The following SPTSSA variants were observed in gnomAD, a reference collection of about 807,000 sequenced individuals.
SPTSSA encodes small subunit of serine palmitoyltransferase A.
SPTSSA carries 8 observed loss-of-function variants against 9.1 expected under a neutral mutation model. The observed-to-expected ratio is 0.88, with a 90% CI of 0.51 to 1.58. The LOEUF (loss-of-function observed/expected upper bound fraction) is 1.58, where lower values mean the gene tolerates loss of function less well. Among genes scored for constraint, SPTSSA ranks in the 40% most tolerant of loss-of-function variants. SPTSSA has a pLI of 0.00. For missense variants in SPTSSA, 100 were observed against 93.8 expected, an observed-to-expected ratio of 1.07 and a Z score of -0.27; for synonymous variants, 42 against 37.7, an observed-to-expected ratio of 1.11 and a Z score of -0.41.
At chr14:34,450,781 G>C (rs143662231) in intron 1 of SPTSSA, among the ~76,000 whole-genome samples, 1 of 152,120 alleles carries the variant, frequency 6.6e-6, no homozygotes, top group East Asian at 1.9e-4. Context: ...TCCCAGAATT[G>C]AGCAAATAAT....
At position 34,441,362 on chromosome 14, in the gene SPTSSA, A is replaced by C. The variant is rs936005312; in HGVS notation, c.113-6058T>G. 3.3e-5 allele frequency among the ~76,000 whole-genome samples: 5 copies of C among 152,216 alleles called. 1 individual carries two copies. Among genetic ancestry groups the C allele is most frequent in the African/African-American group, 1.2e-4 (5 of 41,446 alleles). On this transcript the variant is annotated intron_variant, in intron 1 of 1. Transcript: ENST00000298130. ...TACATACGGCATACCCCAAGGAACC[A>C]ATGGAATCCTCTAGAGGGTATTTAA...
chr14:34,448,528 G>A (rs1336451418), intron 1 of SPTSSA, among the ~76,000 whole-genome samples: 2 of 152,050 alleles, frequency 1.3e-5, no homozygotes, highest in African/African-American at 2.4e-5. Flanking sequence ...CCAAGTAAAT[G>A]ACTTTGTAAC....
At position 34,440,484 on chromosome 14, in the gene SPTSSA, T is replaced by A. The variant is rs112734656; in HGVS notation, c.113-5180A>T. On this transcript the variant is annotated intron_variant, in intron 1 of 1. Coordinates refer to ENST00000298130, the MANE Select transcript of SPTSSA (RefSeq NM_138288.4). ...TAAATCAGCTATCTGAATATGTATG[T>A]TACATAGTCTTTATGATGCTAATTC... Among the ~76,000 whole-genome samples, 551 of 152,354 alleles carry A rather than the reference T, an allele frequency of 3.6e-3. 7 individuals carry two copies. The highest frequency in any genetic ancestry group is 0.013 in the African/African-American group (531 of 41,578).
In SPTSSA at chr14:34,435,209, C is replaced by T. The variant is rs757019169; in HGVS notation, c.208G>A (p.Val70Ile). ...TCCTGGTCGCATCTTGGTCATTGTA[C>T]GATTTCAAAGTAGTGCAATATCGCC... ...IMAILHYFEIVQ is the reference protein window; with the variant it reads ...IMAILHYFEIIQ The change falls in exon 2 of 2, where the codon GTA (valine) becomes ATA (isoleucine). Residue 70 changes from valine to isoleucine, a missense_variant. Coordinates refer to ENST00000298130, the MANE Select transcript of SPTSSA (RefSeq NM_138288.4). 4.2e-5 allele frequency: 67 copies of T among 1,612,632 alleles called. No homozygotes were observed. The Middle Eastern group carries it at 6.6e-4, about 16-fold the overall frequency.
intron 1 of SPTSSA, among the ~76,000 whole-genome samples, chr14:34,450,901 T>C (rs918696721): frequency 1.3e-5 from 2 of 152,172 alleles, no homozygotes; most frequent in African/African-American, 4.8e-5. Context: ...ATGGGTTCCA[T>C]GGACATAAAA....
chr14:34,441,286 T>C (rs1404248813), intron 1 of SPTSSA, among the ~76,000 whole-genome samples: 1 of 152,148 alleles, frequency 6.6e-6, no homozygotes, highest in African/African-American at 2.4e-5. Flanking sequence ...AGCCTCCCCA[T>C]AGGGTGCAGG....
chr14:34,450,604 G>A (rs1026595440), intron 1 of SPTSSA, among the ~76,000 whole-genome samples: 1 of 127,708 alleles, frequency 7.8e-6, no homozygotes, highest in South Asian at 2.3e-4. Flanking sequence ...AAGCAATAGA[G>A]AACAAGAATA....
intron 1 of SPTSSA, among the ~76,000 whole-genome samples, chr14:34,458,356 G>C (rs7152899): frequency 0.021 from 3,171 of 151,940 alleles, 51 homozygotes; most frequent in Middle Eastern, 0.051. Context: ...GCTAATATTT[G>C]CATTTTTAGT....
At chr14:34,456,092 G>A (rs1005182543) in intron 1 of SPTSSA, among the ~76,000 whole-genome samples, 2 of 152,074 alleles carry the variant, frequency 1.3e-5, no homozygotes, top group African/African-American at 4.8e-5. Flanking sequence ...GGGAGGCGGA[G>A]GCAGGCGGAT....
intron 1 of SPTSSA, 66 bp downstream of exon 1, chr14:34,462,030 G>A (rs1303316255): frequency 5.2e-6 from 6 of 1,153,774 alleles, no homozygotes; most frequent in South Asian, 3.0e-5. Flanking sequence ...CCGGGGCCTG[G>A]GGAAATGCGG....
chr14:34,443,186 T>G, intron 1 of SPTSSA, among the ~76,000 whole-genome samples: 1 of 56,086 alleles, frequency 1.8e-5, no homozygotes. Flanking sequence ...GAGATTGAGT[T>G]TTCCTCTAGG....
chr14:34,435,117 G>A lies in SPTSSA; in HGVS notation c.*84C>T, dbSNP rs1883217640. Reference sequence around the variant, plus strand: ...GTTGGTTATGTTGACATCTAGAAGAGTTTCTTATCACATCTGATGGTCTCA... The same window carrying A: ...GTTGGTTATGTTGACATCTAGAAGAATTTCTTATCACATCTGATGGTCTCA... On this transcript the variant is annotated 3_prime_UTR_variant, in exon 2 of 2. Transcript: ENST00000298130. 2.9e-6 allele frequency: 3 copies of A among 1,044,606 alleles called. No homozygotes were observed. The highest frequency in any genetic ancestry group is 2.8e-6 in the Non-Finnish European group (2 of 702,604). The allele number at this position is 1,044,606 out of a possible 1,614,324, so 64.7% of individuals were successfully genotyped here.
chr14:34,447,819 A>G (rs184504466), intron 1 of SPTSSA, among the ~76,000 whole-genome samples: 1 of 152,352 alleles, frequency 6.6e-6, no homozygotes, highest in African/African-American at 2.4e-5. Flanking sequence ...TTCTGACAGC[A>G]TAGGTATCCA....
chr14:34,456,948 AATTATT>A (rs201859323), intron 1 of SPTSSA, among the ~76,000 whole-genome samples: 23 of 146,190 alleles, frequency 1.6e-4, no homozygotes, highest in South Asian at 4.3e-4. Context: ...TTCTGATTCA[AATTATT>A]ATTATTATTA....
At chr14:34,458,007 A>C (rs1433531303) in intron 1 of SPTSSA, among the ~76,000 whole-genome samples, 2 of 151,606 alleles carry the variant, frequency 1.3e-5, no homozygotes, top group Non-Finnish European at 2.9e-5. Context: ...AAAGAAAAGA[A>C]AAGACAGATG....
chr14:34,436,459 C>T (rs1158412386), intron 1 of SPTSSA, among the ~76,000 whole-genome samples: 1 of 152,140 alleles, frequency 6.6e-6, no homozygotes, highest in East Asian at 1.9e-4. Context: ...CATTCATATT[C>T]TCATTCTTCT....
chr14:34,441,151 C>T (rs1009837532), intron 1 of SPTSSA, among the ~76,000 whole-genome samples: 3 of 152,074 alleles, frequency 2.0e-5, no homozygotes, highest in Non-Finnish European at 2.9e-5. Context: ...AGGCAGTTGA[C>T]GCCTGTAATC....
chr14:34,451,505 C>T (rs7153288), intron 1 of SPTSSA, among the ~76,000 whole-genome samples: 3,194 of 152,140 alleles, frequency 0.021, 51 homozygotes, highest in Middle Eastern at 0.034. Context: ...GGGCAGATCA[C>T]GAGGTCAGGA....
intron 1 of SPTSSA, among the ~76,000 whole-genome samples, chr14:34,453,878 T>A (rs1404590969): frequency 6.9e-6 from 1 of 144,134 alleles, no homozygotes; most frequent in African/African-American, 2.7e-5. Context: ...TTGGGGTTTG[T>A]TCTTTTAAAA....
Sources: gnomAD v4.1 joint callset for allele counts (sites outside exome capture counted in the v4.1 genomes callset) on GRCh38, gnomAD v4.1.1 for gene constraint, MANE v1.5 for transcripts, NCBI Gene and HGNC (gene_info 2026-07-23, HGNC 2026-07-21) for gene names.